Variants in MBP observed in about 807,000 individuals in gnomAD.
MBP encodes myelin basic protein.
Under a neutral mutation model 35.8 loss-of-function variants are expected in MBP, and 16 were observed. The observed-to-expected ratio is 0.45, with a 90% CI of 0.30 to 0.68. The LOEUF (loss-of-function observed/expected upper bound fraction) is 0.68. Among genes scored for constraint, MBP ranks in the 30% least tolerant of loss-of-function variants. The pLI, the probability that MBP is intolerant of heterozygous loss-of-function variation, is 0.08. For missense variants in MBP, 380 were observed against 404.7 expected, an observed-to-expected ratio of 0.94 and a Z score of 0.52; for synonymous variants, 143 against 159.6, an observed-to-expected ratio of 0.90 and a Z score of 0.78.
At chr18:76,986,453 TG>T in intron 7 of MBP, 2 of 985,532 alleles carry the variant, frequency 2.0e-6, no homozygotes, top group African/African-American at 3.5e-5. Context: ...CAGCCTCTGC[TG>T]GGGGCTTCCC....
rs1969708584 is a variant in MBP, at chr18:76,988,656, AG to A, written c.718-130del. The A allele has an allele frequency of 2.0e-6, 3 of 1,496,262 alleles. No individual in the cohort carries two copies. The highest frequency in any genetic ancestry group is 2.3e-5 in the East Asian group (1 of 43,728). The allele number at this position is 1,496,262 out of a possible 1,614,324, so 92.7% of individuals were successfully genotyped here. ...AAAACAGGTTCCACCCGGAGCTCCG[AG>A]GGGGGCCGCAGGCTCAGGGCCACAG... On this transcript the variant is annotated intron_variant, in intron 6 of 8. Coordinates refer to ENST00000355994, the MANE Select transcript of MBP (RefSeq NM_001025101.2). The surrounding 1 kb of genome is among the most constrained non-coding windows in gnomAD (Gnocchi z 5.2).
chr18:77,032,422 T>G (rs1972576174), intron 3 of MBP, among the ~76,000 whole-genome samples: 1 of 152,232 alleles, frequency 6.6e-6, no homozygotes. Context: ...CTCCTTTGTG[T>G]GCCCAGAACA....
intron 1 of MBP, chr18:77,108,251 A>C (rs1387514380): frequency 6.6e-6 from 1 of 152,374 alleles, no homozygotes; most frequent in East Asian, 1.9e-4. Flanking sequence ...ATCCATCTGC[A>C]CACAAAAGCA....
intron 2 of MBP, among the ~76,000 whole-genome samples, chr18:77,099,550 G>A (rs988941937): frequency 2.6e-5 from 4 of 152,328 alleles, no homozygotes; most frequent in African/African-American, 9.6e-5. Context: ...GAAGACTGAC[G>A]CTCCCACGCA....
intron 3 of MBP, among the ~76,000 whole-genome samples, chr18:77,031,978 C>T (rs759022859): frequency 2.6e-5 from 4 of 152,212 alleles, no homozygotes; most frequent in African/African-American, 7.2e-5. Flanking sequence ...AAACTTTGAG[C>T]GATGGCAACG....
chr18:77,047,947 G>A (rs1316640667), intron 3 of MBP, among the ~76,000 whole-genome samples: 1 of 152,164 alleles, frequency 6.6e-6, no homozygotes, highest in Non-Finnish European at 1.5e-5. Flanking sequence ...TGATATCATA[G>A]TACCACTAAG....
chr18:77,083,918 G>C (rs1229439939), intron 2 of MBP, among the ~76,000 whole-genome samples: 1 of 152,102 alleles, frequency 6.6e-6, no homozygotes, highest in Non-Finnish European at 1.5e-5. Context: ...ATGGACTGTT[G>C]GGATAGTTGC....
intron 2 of MBP, among the ~76,000 whole-genome samples, chr18:77,086,325 A>G (rs1022544575): frequency 6.6e-6 from 1 of 152,240 alleles, no homozygotes; most frequent in African/African-American, 2.4e-5. Flanking sequence ...GTTCATGCAT[A>G]CAAGTGCGAA....
chr18:76,990,795 C>G (rs1357298306), intron 4 of MBP: 1 of 220,918 alleles, frequency 4.5e-6, no homozygotes, highest in African/African-American at 2.4e-5. Context: ...AGGGCTTCTA[C>G]TAGGAAGCCA....
chr18:76,988,117 T>C lies in MBP; in HGVS notation c.750+378A>G, dbSNP rs1184046509. 1 of 1,518,814 alleles carries C rather than the reference T, an allele frequency of 6.6e-7. No homozygotes were observed. The highest frequency in any genetic ancestry group is 1.2e-5 in the South Asian group (1 of 81,908). The allele number at this position is 1,518,814 out of a possible 1,614,324, so 94.1% of individuals were successfully genotyped here. A position where few individuals can be genotyped will look rare whatever the true frequency, so the allele number is the denominator to read the frequency against. On this transcript the variant is annotated intron_variant, in intron 7 of 8. Coordinates refer to ENST00000355994, the MANE Select transcript of MBP (RefSeq NM_001025101.2). This position sits in a 1 kb window ranked among gnomAD's most constrained non-coding sequence, Gnocchi z 5.2. Reference sequence around the variant, plus strand: ...ACTGAGACGGGCCAGCCAGTCCCACTTCCACATGCGGGTTCCTGGGGCTTC... The same window carrying C: ...ACTGAGACGGGCCAGCCAGTCCCACCTCCACATGCGGGTTCCTGGGGCTTC...
At chr18:77,009,919 C>T (rs1599053908) in intron 4 of MBP, 1 of 1,584,208 alleles carries the variant, frequency 6.3e-7, no homozygotes, top group South Asian at 1.2e-5. Flanking sequence ...CGGCTTTAGC[C>T]AGGGTACCTG....
chr18:76,997,788 C>T (rs1246873), intron 4 of MBP, among the ~76,000 whole-genome samples: 99,947 of 150,896 alleles, frequency 0.66, 34,070 homozygotes, highest in Non-Finnish European at 0.74. Flanking sequence ...GTTCACGCCA[C>T]TCTCCTGCCT....
chr18:77,045,997 T>C (rs776694828), intron 3 of MBP, among the ~76,000 whole-genome samples: 2 of 152,206 alleles, frequency 1.3e-5, no homozygotes, highest in Non-Finnish European at 2.9e-5. Context: ...TGACATTTGT[T>C]TTCTGGAAGA....
intron 4 of MBP, chr18:77,016,364 A>G: frequency 5.0e-6 from 5 of 990,868 alleles, no homozygotes; most frequent in Non-Finnish European, 6.0e-6. Context: ...GTCTTCCTCG[A>G]CCTCAATCCT....
rs185684772 is a variant in MBP, at chr18:77,020,776, G to A, written c.140-3508C>T. On this transcript the variant is annotated intron_variant, in intron 3 of 8. Transcript: ENST00000355994. The surrounding 1 kb of genome is among the most constrained non-coding windows in gnomAD (Gnocchi z 4.1). The stretch of plus-strand genomic sequence containing the variant: ...GCACAGCGAACCACCCTCCCGGTTA[G>A]GGCATGGTGGGTGGGAGCACTCTGG... Among the ~76,000 whole-genome samples the A allele has an allele frequency of 7.9e-5, 12 of 152,200 alleles. No individual in the cohort carries two copies. Among genetic ancestry groups the A allele is most frequent in the African/African-American group, 2.7e-4 (11 of 41,452 alleles).
chr18:76,997,481 G>A (rs1196817311), intron 4 of MBP, among the ~76,000 whole-genome samples: 2 of 152,238 alleles, frequency 1.3e-5, no homozygotes, highest in Admixed American at 1.3e-4. Context: ...TTGGAAAAGC[G>A]GCAAAGCGTG....
At chr18:77,097,747 T>A (rs951750848) in intron 2 of MBP, among the ~76,000 whole-genome samples, 1 of 152,106 alleles carries the variant, frequency 6.6e-6, no homozygotes, top group Non-Finnish European at 1.5e-5. Flanking sequence ...CTCTGCGAGT[T>A]ACATTTGGAT....
chr18:77,076,275 C>A (rs1244793415), intron 2 of MBP, among the ~76,000 whole-genome samples: 2 of 152,240 alleles, frequency 1.3e-5, no homozygotes, highest in African/African-American at 4.8e-5. Flanking sequence ...TGGCACTTGG[C>A]CTGACCTTGA....
chr18:76,984,926 A>AC (rs1418103827), intron 7 of MBP, 32 bp from the exon 8 acceptor site: 1 of 1,609,990 alleles, frequency 6.2e-7, no homozygotes, highest in East Asian at 2.2e-5. Context: ...CTCAACCTCC[A>AC]CCCGCGGTGC....
Sources: gnomAD v4.1 joint callset for allele counts (sites outside exome capture counted in the v4.1 genomes callset) on GRCh38, gnomAD v4.1.1 for gene constraint, Gnocchi (gnomAD v3.1) non-coding constraint, MANE v1.5 for transcripts, NCBI Gene and HGNC (gene_info 2026-07-23, HGNC 2026-07-21) for gene names.